The following RFX3 variants were observed in gnomAD, a reference collection of about 807,000 sequenced individuals.
RFX3 encodes regulatory factor X3.
In RFX3, 14 loss-of-function variants were observed where a neutral mutation model predicts 98.6. The observed-to-expected ratio is 0.14, with a 90% confidence interval of 0.09 to 0.22. RFX3 has a LOEUF of 0.22. RFX3 is among the 10% of genes least tolerant of loss of function. The probability of loss-of-function intolerance (pLI) is 1.00; values close to 1 mark genes in which losing one functional copy is unlikely to be tolerated. For synonymous variants in RFX3, 383 were observed against 328.4 expected, an observed-to-expected ratio of 1.17 and a Z score of -1.80; for missense variants, 639 against 926.9, an observed-to-expected ratio of 0.69 and a Z score of 4.03.
chr9:3,505,244 A>G (rs1816858945), intron 1 of RFX3, among the ~76,000 whole-genome samples: 2 of 74,246 alleles, frequency 2.7e-5, no homozygotes, highest in Non-Finnish European at 4.0e-5. Context: ...ATATATTTAT[A>G]TATATATGAA....
intron 1 of RFX3, chr9:3,488,891 G>A (rs1850500873): frequency 1.0e-6 from 1 of 984,778 alleles, no homozygotes; most frequent in Non-Finnish European, 1.2e-6. Context: ...TATCCTCCAT[G>A]GCTGCTAAAA....
intron 1 of RFX3, among the ~76,000 whole-genome samples, chr9:3,456,762 CAT>C (rs1026688908): frequency 2.0e-4 from 30 of 152,268 alleles, no homozygotes; most frequent in African/African-American, 6.3e-4. Flanking sequence ...AAAAAAGTCA[CAT>C]GTTTCACATG....
chr9:3,325,374 T>C (rs1563929119), intron 4 of RFX3, among the ~76,000 whole-genome samples: 1 of 152,086 alleles, frequency 6.6e-6, no homozygotes, highest in Non-Finnish European at 1.5e-5. Context: ...AGATGGACTT[T>C]CAAATTTTCC....
intron 1 of RFX3, among the ~76,000 whole-genome samples, chr9:3,431,931 T>C (rs1844690183): frequency 6.6e-6 from 1 of 152,080 alleles, no homozygotes; most frequent in Non-Finnish European, 1.5e-5. Flanking sequence ...AGAGAAGCAC[T>C]AGGATTTAAG....
intron 2 of RFX3, among the ~76,000 whole-genome samples, chr9:3,372,530 TTTTC>T (rs201467721): frequency 0.02 from 3,003 of 151,502 alleles, 46 homozygotes; most frequent in South Asian, 0.047. Context: ...GCCATCTTTT[TTTTC>T]TTTCTTTCTT....
At chr9:3,353,642 A>G (rs559678075) in intron 2 of RFX3, among the ~76,000 whole-genome samples, 48 of 152,188 alleles carry the variant, frequency 3.2e-4, no homozygotes, top group Admixed American at 2.1e-3. Context: ...GCTCATCCTA[A>G]TGAAGCTAAA....
intron 1 of RFX3, among the ~76,000 whole-genome samples, chr9:3,467,886 C>T (rs1848455679): frequency 6.6e-6 from 1 of 152,174 alleles, no homozygotes; most frequent in African/African-American, 2.4e-5. Flanking sequence ...AAGCCCAGCA[C>T]TCTAGGCTCA....
intron 9 of RFX3, among the ~76,000 whole-genome samples, chr9:3,275,115 G>A (rs1304679768): frequency 6.6e-6 from 1 of 151,060 alleles, no homozygotes; most frequent in Non-Finnish European, 1.5e-5. Context: ...TATTTATGCA[G>A]CTCCCTACTA....
chr9:3,263,149 C>A, intron 12 of RFX3, 65 bp from the exon 13 acceptor site: 2 of 1,547,670 alleles, frequency 1.3e-6, no homozygotes, highest in Admixed American at 1.8e-5. Context: ...CTGCAATTTT[C>A]AAATCTTCTT....
chr9:3,511,796 G>A (rs1817687096), intron 1 of RFX3, among the ~76,000 whole-genome samples: 1 of 152,004 alleles, frequency 6.6e-6, no homozygotes, highest in South Asian at 2.1e-4. Context: ...TTAACAATGG[G>A]TCAGGATTCA....
At chr9:3,480,376 G>A (rs1020170805) in intron 1 of RFX3, among the ~76,000 whole-genome samples, 7 of 152,142 alleles carry the variant, frequency 4.6e-5, no homozygotes, top group Non-Finnish European at 1.0e-4. Context: ...CCTCTCTCTC[G>A]AAAACACAAA....
At chr9:3,284,980 T>A (rs2131543792) in intron 7 of RFX3, among the ~76,000 whole-genome samples, 1 of 151,876 alleles carries the variant, frequency 6.6e-6, no homozygotes, top group African/African-American at 2.4e-5. Context: ...AACCTTCAAG[T>A]GACACCTTGT....
chr9:3,505,331 T>C (rs1436762171), intron 1 of RFX3, among the ~76,000 whole-genome samples: 1 of 90,788 alleles, frequency 1.1e-5, no homozygotes, highest in Non-Finnish European at 1.8e-5. Flanking sequence ...TATATTTATA[T>C]TTTATATAAA....
At chr9:3,312,876 C>T (rs551034724) in intron 4 of RFX3, among the ~76,000 whole-genome samples, 1 of 152,234 alleles carries the variant, frequency 6.6e-6, no homozygotes, top group African/African-American at 2.4e-5. Context: ...GAAGCTCCAA[C>T]TTGGTGGAGC....
chr9:3,450,206 T>C (rs1004887278), intron 1 of RFX3, among the ~76,000 whole-genome samples: 2 of 152,128 alleles, frequency 1.3e-5, no homozygotes, highest in African/African-American at 4.8e-5. Flanking sequence ...TACAAATAAA[T>C]CCCTTTAAAA....
At chr9:3,366,751 T>C (rs867046855) in intron 2 of RFX3, among the ~76,000 whole-genome samples, 7 of 147,850 alleles carry the variant, frequency 4.7e-5, no homozygotes. Flanking sequence ...TCTTTCTTTC[T>C]TTTTGGCTAT....
intron 2 of RFX3, among the ~76,000 whole-genome samples, chr9:3,392,564 G>GA (rs1261644451): frequency 1.3e-5 from 2 of 151,868 alleles, no homozygotes; most frequent in African/African-American, 4.8e-5. Context: ...AATCATAAAT[G>GA]AAAAAACTGA....
intron 1 of RFX3, among the ~76,000 whole-genome samples, chr9:3,521,220 A>G (rs1818678885): frequency 6.6e-6 from 1 of 152,198 alleles, no homozygotes; most frequent in African/African-American, 2.4e-5. Flanking sequence ...TTTGAAATAA[A>G]GATTAAAATA....
chr9:3,384,608 TATTA>T (rs1839514484), intron 2 of RFX3, among the ~76,000 whole-genome samples: 1 of 152,226 alleles, frequency 6.6e-6, no homozygotes, highest in Non-Finnish European at 1.5e-5. Flanking sequence ...TTGTAGCTTC[TATTA>T]CTATGATCCA....
Sources: allele counts gnomAD v4.1 joint callset (sites outside exome capture counted in the v4.1 genomes callset), GRCh38; gene constraint gnomAD v4.1.1; transcripts MANE v1.5; gene names NCBI Gene and HGNC (gene_info 2026-07-23, HGNC 2026-07-21).